Variants in PRDM5 observed in about 807,000 individuals in gnomAD.
The protein encoded by PRDM5 is PR/SET domain 5.
In PRDM5, 56 loss-of-function variants were observed where a neutral mutation model predicts 81.2. The observed-to-expected ratio is 0.69, with a 90% confidence interval of 0.56 to 0.86. The LOEUF (loss-of-function observed/expected upper bound fraction) is 0.86. Ranked by LOEUF, PRDM5 falls within the 40% of genes least tolerant of loss-of-function variation. PRDM5 has a pLI of 0.00. For missense variants in PRDM5, 697 were observed against 770.1 expected (o/e 0.91, Z 1.12); for synonymous variants, 267 against 256.4 (o/e 1.04, Z -0.39).
At chr4:120,880,080 AG>A (rs1386278430) in intron 2 of PRDM5, among the ~76,000 whole-genome samples, 1 of 152,186 alleles carries the variant, frequency 6.6e-6, no homozygotes, top group African/African-American at 2.4e-5. Flanking sequence ...CACTAATGTA[AG>A]ATGTTAATAA....
intron 14 of PRDM5, 28 bp downstream of exon 14, chr4:120,754,525 A>G (rs369382750): frequency 5.3e-5 from 76 of 1,447,030 alleles, no homozygotes; most frequent in Non-Finnish European, 5.8e-5. Flanking sequence ...TTCATGATCA[A>G]TATTAATGAA....
intron 2 of PRDM5, among the ~76,000 whole-genome samples, chr4:120,879,601 TCTTA>T (rs1304857068): frequency 3.3e-5 from 5 of 152,246 alleles, no homozygotes; most frequent in South Asian, 2.1e-4. Context: ...ATTTTGTCTA[TCTTA>T]CTTTATTGTA....
intron 15 of PRDM5, 72 bp downstream of exon 15, chr4:120,710,237 A>G (rs1736766148): frequency 1.6e-6 from 2 of 1,230,086 alleles, no homozygotes; most frequent in Non-Finnish European, 2.4e-6. Context: ...ACACACACAC[A>G]CATACACACA....
intron 3 of PRDM5, among the ~76,000 whole-genome samples, chr4:120,836,996 A>T (rs1041409350): frequency 2.6e-5 from 4 of 152,184 alleles, no homozygotes; most frequent in Non-Finnish European, 5.9e-5. Flanking sequence ...AAATGTTCTG[A>T]GGCTATTCTA....
intron 10 of PRDM5, among the ~76,000 whole-genome samples, chr4:120,796,657 T>C (rs944445377): frequency 1.3e-5 from 2 of 152,098 alleles, no homozygotes; most frequent in South Asian, 4.1e-4. Flanking sequence ...AACATAAAGA[T>C]GGTAAGGAAG....
At chr4:120,712,326 T>C (rs1366508941) in intron 14 of PRDM5, among the ~76,000 whole-genome samples, 2 of 152,204 alleles carry the variant, frequency 1.3e-5, no homozygotes, top group South Asian at 4.1e-4. Flanking sequence ...AGATAGTGTA[T>C]GCATGTTTCT....
intron 3 of PRDM5, among the ~76,000 whole-genome samples, chr4:120,827,215 T>C (rs1756117501): frequency 6.6e-6 from 1 of 152,154 alleles, no homozygotes; most frequent in Non-Finnish European, 1.5e-5. Context: ...GTGGCTTAGA[T>C]TGTATCAGAC....
Position 120,695,117 on chromosome 4 carries a change from G to A in PRDM5, c.1887C>T (p.Asp629=), listed in dbSNP as rs376740879. ...AATTCCTTTACAGCCCCTATTAGCT[G>A]TCAGCTACACCATGGATATTGTCCA... is the stretch of plus-strand genomic sequence containing the variant. ...VHMDNIHGVA[D]S The change falls in exon 16 of 16, where the codon GAC becomes GAT. Residue 629 remains aspartate, a synonymous_variant. Coordinates refer to ENST00000264808, the MANE Select transcript of PRDM5 (RefSeq NM_018699.4). 6.2e-7 allele frequency: 1 copy of A among 1,612,668 alleles called. No homozygotes were observed. The highest frequency in any genetic ancestry group is 1.3e-5 in the African/African-American group (1 of 74,852).
intron 8 of PRDM5, among the ~76,000 whole-genome samples, chr4:120,802,171 G>A (rs756642714): frequency 2.0e-5 from 3 of 152,104 alleles, no homozygotes; most frequent in African/African-American, 4.8e-5. Context: ...AGGGAACATC[G>A]ACTATATATT....
At chr4:120,715,971 C>CTAG (rs1737675661) in intron 14 of PRDM5, among the ~76,000 whole-genome samples, 1 of 152,152 alleles carries the variant, frequency 6.6e-6, no homozygotes, top group Non-Finnish European at 1.5e-5. Flanking sequence ...GGTGAGTATC[C>CTAG]TAGACATTGC....
chr4:120,839,272 G>A (rs1757721764), intron 3 of PRDM5: 1 of 702,962 alleles, frequency 1.4e-6, no homozygotes, highest in African/African-American at 1.7e-5. Flanking sequence ...CCAAATTCTT[G>A]TCCTGTGACC....
intron 13 of PRDM5, among the ~76,000 whole-genome samples, chr4:120,774,779 A>G (rs1747816712): frequency 6.6e-6 from 1 of 151,998 alleles, no homozygotes; most frequent in Admixed American, 6.6e-5. Flanking sequence ...AAACAGAAAA[A>G]TCTGGTTAGA....
intron 1 of PRDM5, 76 bp downstream of exon 1, chr4:120,922,440 C>T (rs1242554715): frequency 7.9e-7 from 1 of 1,262,512 alleles, no homozygotes; most frequent in Non-Finnish European, 1.0e-6. Flanking sequence ...CGCCCCGGGC[C>T]CTGCGGCAGG....
chr4:120,755,143 T>A (rs959179094), intron 13 of PRDM5, among the ~76,000 whole-genome samples: 5 of 152,200 alleles, frequency 3.3e-5, no homozygotes, highest in African/African-American at 9.7e-5. Context: ...AAAAGGACCA[T>A]TGGTAGTTAA....
At chr4:120,834,427 T>A (rs969440935) in intron 3 of PRDM5, among the ~76,000 whole-genome samples, 1 of 152,108 alleles carries the variant, frequency 6.6e-6, no homozygotes, top group Non-Finnish European at 1.5e-5. Flanking sequence ...CAGCTGCCTA[T>A]GAAACAGGAA....
At chr4:120,865,558 T>C (rs1761113509) in intron 2 of PRDM5, among the ~76,000 whole-genome samples, 1 of 152,192 alleles carries the variant, frequency 6.6e-6, no homozygotes, top group Non-Finnish European at 1.5e-5. Flanking sequence ...CTCATCAAAC[T>C]CTTTCTTCAA....
chr4:120,777,428 T>C, intron 12 of PRDM5, 147 bp from the exon 13 acceptor site: 1 of 1,418,216 alleles, frequency 7.1e-7, no homozygotes, highest in Non-Finnish European at 9.4e-7. Flanking sequence ...TTAAACAATT[T>C]ATGATGGATA....
Position 120,798,419 on chromosome 4 carries a change from G to A in PRDM5, c.1036C>T (p.Arg346Ter), listed in dbSNP as rs755676779. The part of the protein sequence containing the change: ...KRHMITHSEK[R>*]PYNCEICNKS... ...TTACAAATCTCGCAATTATAGGGTCGTTTTTCTATTAAAAAAATGAGTGGA... is the reference window on the plus strand; with the variant it reads ...TTACAAATCTCGCAATTATAGGGTCATTTTTCTATTAAAAAAATGAGTGGA... Residue 346 changes from arginine to a stop codon, truncating the protein, a stop_gained, in exon 10 of 16, where the codon CGA (arginine) becomes TGA (stop). Transcript: ENST00000264808. LOFTEE classifies it high-confidence loss of function. The A allele has an allele frequency of 7.5e-6, 12 of 1,600,676 alleles. No homozygotes were observed. The highest frequency in any genetic ancestry group is 2.2e-5 in the East Asian group (1 of 44,488).
At chr4:120,698,047 T>C (rs1203717860) in intron 15 of PRDM5, among the ~76,000 whole-genome samples, 1 of 152,142 alleles carries the variant, frequency 6.6e-6, no homozygotes, top group African/African-American at 2.4e-5. Context: ...TTTGTCTTCT[T>C]TTGTCTCCAT....
Sources: gnomAD v4.1 joint callset for allele counts (sites outside exome capture counted in the v4.1 genomes callset) on GRCh38, gnomAD v4.1.1 for gene constraint, MANE v1.5 for transcripts, NCBI Gene and HGNC (gene_info 2026-07-23, HGNC 2026-07-21) for gene names.